Variants in TNIK observed in about 807,000 individuals in gnomAD.
The protein encoded by TNIK is TRAF2 and NCK-interacting protein kinase.
Under a neutral mutation model 191.3 loss-of-function variants are expected in TNIK, and 49 were observed. The ratio of observed to expected loss-of-function variants is 0.26; its 90% confidence interval spans 0.20 to 0.32. The LOEUF is 0.32. Ranked by LOEUF, TNIK falls within the 10% of genes least tolerant of loss-of-function variation. The pLI is 1.00. For missense variants in TNIK, 1,155 were observed against 1,702.3 expected, an observed-to-expected ratio of 0.68 and a Z score of 5.66; for synonymous variants, 594 against 600.9, an observed-to-expected ratio of 0.99 and a Z score of 0.17.
chr3:171,126,165 C>A lies in TNIK; in HGVS notation c.1774-14G>T. ...CAGATGTGGGATCTAAGCATCAAAA[C>A]AACATGAAAACAGCACTATTAGAAG... On this transcript the variant is annotated splice_polypyrimidine_tract_variant and intron_variant, in intron 16 of 32. Coordinates refer to ENST00000436636, the MANE Select transcript of TNIK (RefSeq NM_015028.4). 1 of 1,489,662 alleles carries A rather than the reference C, an allele frequency of 6.7e-7. No individual in the cohort carries two copies. The highest frequency in any genetic ancestry group is 8.9e-7 in the Non-Finnish European group (1 of 1,122,256). 92.3% of individuals were successfully genotyped at this position (1,489,662 alleles called of 1,614,324 possible).
intron 1 of TNIK, among the ~76,000 whole-genome samples, chr3:171,419,220 A>AAAC (rs1723447981): frequency 6.6e-6 from 1 of 152,208 alleles, no homozygotes; most frequent in African/African-American, 2.4e-5. Context: ...CAAAACCTGA[A>AAAC]AACATTATGG....
intron 1 of TNIK, among the ~76,000 whole-genome samples, chr3:171,423,742 C>T (rs928167002): frequency 5.9e-5 from 9 of 152,188 alleles, no homozygotes; most frequent in African/African-American, 1.9e-4. Context: ...AAAGGATTCC[C>T]TATTTAATAA....
intron 12 of TNIK, among the ~76,000 whole-genome samples, chr3:171,144,165 A>T (rs1405468476): frequency 6.6e-6 from 1 of 152,218 alleles, no homozygotes; most frequent in African/African-American, 2.4e-5. Flanking sequence ...ATTTTCATCC[A>T]TGTCTTCTTG....
intron 1 of TNIK, among the ~76,000 whole-genome samples, chr3:171,380,581 G>C (rs878929277): frequency 6.6e-6 from 1 of 152,238 alleles, no homozygotes; most frequent in Non-Finnish European, 1.5e-5. Context: ...ATTACAGGCA[G>C]AGGTGAAACT....
chr3:171,242,327 C>A (rs993960879), intron 2 of TNIK, among the ~76,000 whole-genome samples: 10 of 152,134 alleles, frequency 6.6e-5, no homozygotes, highest in African/African-American at 2.4e-4. Flanking sequence ...TCCTCCTCTT[C>A]CTCATTTTCA....
intron 18 of TNIK, among the ~76,000 whole-genome samples, chr3:171,120,246 T>G (rs1727460511): frequency 1.3e-5 from 2 of 152,088 alleles, no homozygotes; most frequent in South Asian, 4.1e-4. Context: ...TGGAGTTCAT[T>G]ACTACTAAGT....
chr3:171,419,691 T>C (rs1437705908), intron 1 of TNIK, among the ~76,000 whole-genome samples: 2 of 152,202 alleles, frequency 1.3e-5, no homozygotes, highest in African/African-American at 4.8e-5. Context: ...GGGGAGAGCA[T>C]GGCAATTGTT....
At chr3:171,192,808 C>T (rs187386103) in intron 5 of TNIK, among the ~76,000 whole-genome samples, 36 of 152,286 alleles carry the variant, frequency 2.4e-4, no homozygotes, top group Admixed American at 1.1e-3. Flanking sequence ...CAGAGATAAA[C>T]GTCAGATGTG....
chr3:171,199,838 G>T (rs1221784957), intron 4 of TNIK, among the ~76,000 whole-genome samples: 1 of 152,206 alleles, frequency 6.6e-6, no homozygotes, highest in Non-Finnish European at 1.5e-5. Context: ...ATCTCAAGAT[G>T]TATTTATGAT....
At chr3:171,212,970 C>A (rs867712082) in intron 3 of TNIK, among the ~76,000 whole-genome samples, 6 of 152,104 alleles carry the variant, frequency 3.9e-5, no homozygotes, top group Middle Eastern at 3.4e-3. Context: ...TAGGTAATCT[C>A]AAAATAGAAT....
At chr3:171,088,784 T>C (rs918690153) in intron 23 of TNIK, among the ~76,000 whole-genome samples, 2 of 152,240 alleles carry the variant, frequency 1.3e-5, no homozygotes, top group Non-Finnish European at 2.9e-5. Context: ...AGTGTTGCAC[T>C]TTTTAACTTT....
intron 2 of TNIK, among the ~76,000 whole-genome samples, chr3:171,289,680 T>C (rs1445454013): frequency 3.9e-5 from 6 of 152,152 alleles, no homozygotes; most frequent in African/African-American, 1.4e-4. Flanking sequence ...GGCAGGCAGA[T>C]CACTTGAGGC....
intron 1 of TNIK, among the ~76,000 whole-genome samples, chr3:171,420,695 T>A (rs775868278): frequency 1.3e-5 from 2 of 152,196 alleles, no homozygotes; most frequent in Non-Finnish European, 2.9e-5. Flanking sequence ...AGAACAATTA[T>A]AACAATCTGC....
intron 2 of TNIK, among the ~76,000 whole-genome samples, chr3:171,250,527 A>G (rs1043014384): frequency 6.6e-6 from 1 of 152,254 alleles, no homozygotes; most frequent in Non-Finnish European, 1.5e-5. Context: ...GTCCACTGAT[A>G]TTAACCCCTT....
chr3:171,082,950 A>G, intron 26 of TNIK, among the ~76,000 whole-genome samples: 1 of 152,202 alleles, frequency 6.6e-6, no homozygotes. Flanking sequence ...AAACCCATTC[A>G]AGAGAAGTGT....
At chr3:171,236,129 G>A (rs914492467) in intron 2 of TNIK, among the ~76,000 whole-genome samples, 3 of 143,716 alleles carry the variant, frequency 2.1e-5, no homozygotes, top group Admixed American at 7.1e-5. Flanking sequence ...CTGGGACAGC[G>A]TCTTGTAAAG....
intron 2 of TNIK, among the ~76,000 whole-genome samples, chr3:171,320,432 T>C (rs963569703): frequency 1.4e-4 from 21 of 152,178 alleles, no homozygotes; most frequent in African/African-American, 4.1e-4. Flanking sequence ...GCTGACCTGG[T>C]CTGTCAATTT....
At chr3:171,258,888 G>T (rs2109117503) in intron 2 of TNIK, among the ~76,000 whole-genome samples, 1 of 152,264 alleles carries the variant, frequency 6.6e-6, no homozygotes, top group East Asian at 1.9e-4. Context: ...TCCTTGGACT[G>T]CTCAGAAGTT....
At chr3:171,177,490 T>C in intron 7 of TNIK, 110 bp from the exon 8 acceptor site, 1 of 1,322,672 alleles carries the variant, frequency 7.6e-7, no homozygotes, top group Non-Finnish European at 1.0e-6. Flanking sequence ...GTTTTCTGTT[T>C]ACAAACCTAT....
Sources: gnomAD v4.1 joint callset for allele counts (sites outside exome capture counted in the v4.1 genomes callset) on GRCh38, gnomAD v4.1.1 for gene constraint, MANE v1.5 for transcripts, NCBI Gene and HGNC (gene_info 2026-07-23, HGNC 2026-07-21) for gene names.